PM20D2: variants seen among roughly 807,000 people sequenced by gnomAD.
The protein encoded by PM20D2 is peptidase M20 domain containing 2, also known as xaa-Arg dipeptidase.
PM20D2 carries 33 observed loss-of-function variants against 42.9 expected under a neutral mutation model. The observed-to-expected ratio is 0.77, with a 90% CI of 0.58 to 1.03. The LOEUF is 1.03. Among genes scored for constraint, PM20D2 ranks in the 50% least tolerant of loss-of-function variants. The pLI, the probability that PM20D2 is intolerant of heterozygous loss-of-function variation, is 0.00. For synonymous variants in PM20D2, 250 were observed against 228.2 expected, an observed-to-expected ratio of 1.10 and a Z score of -0.86; for missense variants, 548 against 557.0, an observed-to-expected ratio of 0.98 and a Z score of 0.16.
chr6:89,105,050 T>C, the PM20D2 span: 2 of 1,379,584 alleles, frequency 1.4e-6, no homozygotes, highest in South Asian at 1.5e-5. Flanking sequence ...AATGAGACCC[T>C]ATCAAAAAAA....
chr6:89,139,113 C>G, the PM20D2 span, among the ~76,000 whole-genome samples: 1 of 151,820 alleles, frequency 6.6e-6, no homozygotes, highest in Non-Finnish European at 1.5e-5. Flanking sequence ...TTTTAGAGAC[C>G]TAGTCTCACT....
At chr6:89,141,608 C>T (rs1770303279), upstream of PM20D2, among the ~76,000 whole-genome samples, 1 of 152,240 alleles carries the variant, frequency 6.6e-6, no homozygotes, top group South Asian at 2.1e-4. Flanking sequence ...TCAAGTGATT[C>T]GCCCATCTCG....
the PM20D2 span, chr6:89,105,046 A>T: frequency 7.4e-7 from 1 of 1,356,238 alleles, no homozygotes; most frequent in Non-Finnish European, 9.8e-7. Flanking sequence ...AAACAATGAG[A>T]CCCTATCAAA....
the PM20D2 span, among the ~76,000 whole-genome samples, chr6:89,116,381 AG>A: frequency 1.3e-5 from 2 of 152,244 alleles, no homozygotes; most frequent in Non-Finnish European, 2.9e-5. Context: ...ATTGATAAAA[AG>A]GCTGACAGAA....
At chr6:89,158,624 A>C (rs1771132431) in intron 5 of PM20D2, among the ~76,000 whole-genome samples, 164 bp downstream of exon 5, 1 of 152,224 alleles carries the variant, frequency 6.6e-6, no homozygotes. Context: ...TGGACTCTTA[A>C]GTGAGTGTAG....
chr6:89,117,101 G>A, the PM20D2 span, among the ~76,000 whole-genome samples: 9,137 of 151,988 alleles, frequency 0.06, 804 homozygotes, highest in African/African-American at 0.19. Context: ...TCATTCCTTA[G>A]TATCTGTGTT....
chr6:89,153,460 G>A (rs1353907957), intron 3 of PM20D2, among the ~76,000 whole-genome samples: 4 of 151,812 alleles, frequency 2.6e-5, no homozygotes, highest in Admixed American at 6.6e-5. Context: ...GTGTTCTTTC[G>A]GTGGGTGTTT....
chr6:89,158,360 T>A lies in PM20D2; in HGVS notation c.948T>A (p.Asn316Lys). 4 of 1,604,322 alleles carry A rather than the reference T, an allele frequency of 2.5e-6. No homozygotes were observed. Among genetic ancestry groups the A allele is most frequent in the Non-Finnish European group, 3.4e-6 (4 of 1,177,714 alleles). The change falls in exon 5 of 7, where the codon AAT (asparagine) becomes AAA (lysine). Residue 316 changes from asparagine (N) to lysine (K), a missense_variant. Physicochemically the swap from Asn to Lys is moderately conservative, Grantham distance 94. Coordinates refer to ENST00000275072, the MANE Select transcript of PM20D2 (RefSeq NM_001010853.3). ...AAGGTGGAGCACATGATTATTACAA[T>A]GTTCTTCCCAATAAGAGCCTATGGA... ...EIKGGAHDYYNVLPNKSLWKA... is the reference protein window; with the variant it reads ...EIKGGAHDYYKVLPNKSLWKA...
chr6:89,162,450 G>A lies in PM20D2; in HGVS notation c.*187G>A, dbSNP rs374500527. 14 of 533,828 alleles carry A rather than the reference G, an allele frequency of 2.6e-5. No homozygotes were observed. Among genetic ancestry groups the A allele is most frequent in the East Asian group, 1.3e-4 (4 of 31,054 alleles). 33.1% of individuals were successfully genotyped at this position (533,828 alleles called of 1,614,324 possible). Reference sequence around the variant, plus strand: ...CTAAAGTGAAAATTTTTGCAAATCCGTACTTGATAGGATTATGATATTACA... The same window carrying A: ...CTAAAGTGAAAATTTTTGCAAATCCATACTTGATAGGATTATGATATTACA... On this transcript the variant is annotated 3_prime_UTR_variant, in exon 7 of 7. Coordinates refer to ENST00000275072, the MANE Select transcript of PM20D2 (RefSeq NM_001010853.3).
chr6:89,154,778 A>G lies in PM20D2; in HGVS notation c.788A>G (p.Asn263Ser), dbSNP rs770885800. ...ATAAAAAATGGTGGTGTAAAACCCAATATCATTCCCTCTTATTCTGAATTA... is the reference window on the plus strand; with the variant it reads ...ATAAAAAATGGTGGTGTAAAACCCAGTATCATTCCCTCTTATTCTGAATTA... ...GIIKNGGVKP[N>S]IIPSYSELIY... The change falls in exon 4 of 7, where the codon AAT becomes AGT. Residue 263 changes from asparagine to serine, a missense_variant. Asn to Ser is a conservative substitution (Grantham distance 46). Coordinates refer to ENST00000275072, the MANE Select transcript of PM20D2 (RefSeq NM_001010853.3). The G allele has an allele frequency of 1.3e-6, 2 of 1,574,166 alleles. No homozygotes were observed. The highest frequency in any genetic ancestry group is 1.4e-5 in the African/African-American group (1 of 73,086).
At chr6:89,130,882 G>T in the PM20D2 span, among the ~76,000 whole-genome samples, 1 of 127,386 alleles carries the variant, frequency 7.9e-6, no homozygotes, top group African/African-American at 3.2e-5. Flanking sequence ...GCCCAGGCTG[G>T]GTTGGAGTGC....
At chr6:89,117,952 C>A in the PM20D2 span, 2 of 1,492,318 alleles carry the variant, frequency 1.3e-6, no homozygotes, top group Non-Finnish European at 1.8e-6. Context: ...CTCCCGCTAC[C>A]GCTGCTACCA....
the PM20D2 span, among the ~76,000 whole-genome samples, chr6:89,099,977 T>C: frequency 1.3e-5 from 2 of 152,062 alleles, no homozygotes; most frequent in Admixed American, 6.6e-5. Flanking sequence ...AATGACAGCA[T>C]GGAGGAGTTG....
the PM20D2 span, among the ~76,000 whole-genome samples, chr6:89,130,816 CTTCTTTTTTTTTTT>C: frequency 6.1e-4 from 31 of 50,954 alleles, no homozygotes; most frequent in East Asian, 1.2e-3. Context: ...CTGGCTTCTT[CTTCTTTTTTTTTTT>C]TTTTTTTTTT....
the PM20D2 span, among the ~76,000 whole-genome samples, chr6:89,122,254 C>T: frequency 6.6e-6 from 1 of 152,198 alleles, no homozygotes; most frequent in Admixed American, 6.5e-5. Flanking sequence ...TTAGAAACAT[C>T]TATTCTGAAT....
chr6:89,149,467 C>G, intron 2 of PM20D2, 54 bp downstream of exon 2: 2 of 1,567,914 alleles, frequency 1.3e-6, no homozygotes, highest in Non-Finnish European at 1.7e-6. Context: ...CTATAGAATA[C>G]TTTTATGTCT....
intron 4 of PM20D2, among the ~76,000 whole-genome samples, chr6:89,156,968 A>G (rs1430235092): frequency 1.3e-5 from 2 of 152,236 alleles, no homozygotes; most frequent in African/African-American, 2.4e-5. Context: ...ATAATTATAA[A>G]TATTTATTTG....
intron 1 of PM20D2, among the ~76,000 whole-genome samples, chr6:89,147,481 C>CT (rs1162611887): frequency 2.6e-5 from 4 of 151,998 alleles, no homozygotes; most frequent in Non-Finnish European, 5.9e-5. Context: ...TTTTCTGTCT[C>CT]TGGAGGCTCG....
upstream of PM20D2, among the ~76,000 whole-genome samples, chr6:89,144,143 G>A (rs1412180664): frequency 3.3e-5 from 5 of 152,088 alleles, no homozygotes; most frequent in East Asian, 1.9e-4. Flanking sequence ...GAATACATAC[G>A]TGCCTGTGGG....
Sources: allele counts gnomAD v4.1 joint callset (sites outside exome capture counted in the v4.1 genomes callset), GRCh38; gene constraint gnomAD v4.1.1; transcripts MANE v1.5; gene names NCBI Gene and HGNC (gene_info 2026-07-23, HGNC 2026-07-21).